ATP11A: variants seen among roughly 807,000 people sequenced by gnomAD.
ATP11A encodes the protein phospholipid-transporting ATPase IH.
A neutral mutation model predicts 154.4 loss-of-function variants in ATP11A; 81 were observed. The observed-to-expected ratio is 0.52, with a 90% confidence interval of 0.44 to 0.63. ATP11A has a LOEUF of 0.63. Among genes scored for constraint, ATP11A ranks in the 30% least tolerant of loss-of-function variants. ATP11A has a pLI of 0.00. For missense variants in ATP11A, 1,316 were observed against 1,474.3 expected, an observed-to-expected ratio of 0.89 and a Z score of 1.76; for synonymous variants, 623 against 585.9, an observed-to-expected ratio of 1.06 and a Z score of -0.91.
intron 1 of ATP11A, among the ~76,000 whole-genome samples, chr13:112,769,002 C>T (rs1348697471): frequency 6.6e-6 from 1 of 152,018 alleles, no homozygotes; most frequent in East Asian, 1.9e-4. Context: ...AAGGTGTGAC[C>T]CATGGTGGAA....
intron 1 of ATP11A, among the ~76,000 whole-genome samples, chr13:112,708,521 G>A (rs965566795): frequency 6.6e-6 from 1 of 152,140 alleles, no homozygotes; most frequent in African/African-American, 2.4e-5. Flanking sequence ...GGTAATCTTC[G>A]CAGTTGACAG....
chr13:112,846,686 G>T (rs74639449), intron 17 of ATP11A, among the ~76,000 whole-genome samples: 1 of 152,218 alleles, frequency 6.6e-6, no homozygotes, highest in Non-Finnish European at 1.5e-5. Context: ...GTGCCCCTGC[G>T]TGATGGTGGC....
rs954057609 is a variant in ATP11A, at chr13:112,838,511, G to A, written c.1705+2260G>A. Among the ~76,000 whole-genome samples, 3 of 152,204 alleles carry A rather than the reference G, an allele frequency of 2.0e-5. No homozygotes were observed. Among genetic ancestry groups the A allele is most frequent in the Non-Finnish European group, 4.4e-5 (3 of 68,042 alleles). On this transcript the variant is annotated intron_variant, in intron 16 of 29. Coordinates refer to ENST00000375645, the MANE Select transcript of ATP11A (RefSeq NM_015205.3). The surrounding 1 kb of genome is among the most constrained non-coding windows in gnomAD (Gnocchi z 7.3). ...GCCACCCCGGAGCCGCCCCTGCCGC[G>A]CACTCACCCCGGAGCTGGCCCTGCC...
chr13:112,841,692 G>A (rs897880567), intron 16 of ATP11A, among the ~76,000 whole-genome samples: 1 of 152,254 alleles, frequency 6.6e-6, no homozygotes, highest in Non-Finnish European at 1.5e-5. Flanking sequence ...CAGAACTGTC[G>A]TGGCCTTTGC....
chr13:112,729,313 C>A (rs1468362444), intron 1 of ATP11A, among the ~76,000 whole-genome samples: 2 of 152,356 alleles, frequency 1.3e-5, no homozygotes, highest in Non-Finnish European at 1.5e-5. Flanking sequence ...GCTTTCCCAC[C>A]CCTGCTGTTT....
intron 5 of ATP11A, among the ~76,000 whole-genome samples, chr13:112,811,161 AACACACACACACAC>A (rs10695491): frequency 1.2e-4 from 14 of 115,602 alleles, no homozygotes; most frequent in South Asian, 9.1e-4. Context: ...TGCCCCTTCC[AACACACACACACAC>A]ACACACACAC....
intron 5 of ATP11A, among the ~76,000 whole-genome samples, chr13:112,815,597 A>C (rs1481960216): frequency 1.3e-5 from 2 of 152,236 alleles, no homozygotes; most frequent in Non-Finnish European, 1.5e-5. Context: ...TTAAAAACCC[A>C]CATGATCAAC....
chr13:112,765,019 C>A (rs888561153), intron 1 of ATP11A, among the ~76,000 whole-genome samples: 5 of 152,166 alleles, frequency 3.3e-5, no homozygotes, highest in African/African-American at 9.7e-5. Context: ...CCCCACCGCA[C>A]GCTTTTCTTG....
chr13:112,781,708 A>ATGTG (rs2077503542), intron 1 of ATP11A, among the ~76,000 whole-genome samples: 1 of 139,296 alleles, frequency 7.2e-6, no homozygotes, highest in African/African-American at 2.7e-5. Context: ...GAATTTGACC[A>ATGTG]TGTGTGGGCT....
intron 8 of ATP11A, among the ~76,000 whole-genome samples, chr13:112,821,022 C>T (rs2078783796): frequency 6.6e-6 from 1 of 152,160 alleles, no homozygotes; most frequent in South Asian, 2.1e-4. Flanking sequence ...GAGGTGCTTT[C>T]GAGAACTGAT....
At chr13:112,831,921 G>A (rs1277102803) in intron 13 of ATP11A, among the ~76,000 whole-genome samples, 1 of 145,520 alleles carries the variant, frequency 6.9e-6, no homozygotes, top group South Asian at 2.2e-4. Context: ...CAGACACTGT[G>A]TGCACACACA....
chr13:112,690,668 CG>C lies in ATP11A; in HGVS notation c.39+217del, dbSNP rs919568407. Among the ~76,000 whole-genome samples the C allele has an allele frequency of 1.3e-5, 2 of 151,976 alleles. No homozygotes were observed. ...CGACGGGGTCTAGGTGGGCACAGCG[CG>C]GGGCCCCAGCCCCGGGCGGCCACCT... On this transcript the variant is annotated intron_variant, in intron 1 of 29. Transcript: ENST00000375645. This position sits in a 1 kb window ranked among gnomAD's most constrained non-coding sequence, Gnocchi z 5.6.
intron 1 of ATP11A, among the ~76,000 whole-genome samples, chr13:112,716,896 G>A (rs1888526330): frequency 6.6e-6 from 1 of 150,522 alleles, no homozygotes; most frequent in South Asian, 2.1e-4. Flanking sequence ...AAATGATGGG[G>A]CAGTACTGGA....
At chr13:112,826,670 G>A in intron 11 of ATP11A, 24 bp from the exon 12 acceptor site, 1 of 1,611,622 alleles carries the variant, frequency 6.2e-7, no homozygotes, top group Non-Finnish European at 8.5e-7. Flanking sequence ...TGGAGGTGCT[G>A]ACCCGCACCT....
rs1392759280 is a variant in ATP11A at position 112,746,997 on chromosome 13, T to C, written c.40-38138T>C. ...TTGGCTTGCATTGGCATAGTTTTTTTTTTTTTAACTTCCTAAGTGGTACTG... is the reference window on the plus strand; with the variant it reads ...TTGGCTTGCATTGGCATAGTTTTTTCTTTTTTAACTTCCTAAGTGGTACTG... On this transcript the variant is annotated intron_variant, in intron 1 of 29. Coordinates refer to ENST00000375645, the MANE Select transcript of ATP11A (RefSeq NM_015205.3). The surrounding 1 kb of genome is among the most constrained non-coding windows in gnomAD (Gnocchi z 4.1). 1 of 152,170 alleles carries C rather than the reference T, an allele frequency of 6.6e-6. No homozygotes were observed. Among genetic ancestry groups the C allele is most frequent in the Non-Finnish European group, 1.5e-5 (1 of 68,030 alleles). 9.4% of individuals were successfully genotyped at this position (152,170 alleles called of 1,614,324 possible).
At chr13:112,825,640 A>T in intron 11 of ATP11A, 60 bp downstream of exon 11, 1 of 1,516,146 alleles carries the variant, frequency 6.6e-7, no homozygotes, top group Non-Finnish European at 8.8e-7. Context: ...TATTACGAAA[A>T]TGTGGTGCAA....
chr13:112,712,921 T>C (rs552406574), intron 1 of ATP11A, among the ~76,000 whole-genome samples: 31 of 152,372 alleles, frequency 2.0e-4, no homozygotes, highest in Admixed American at 7.2e-4. Flanking sequence ...GCTTTCTTTT[T>C]ATAGCAGCCA....
chr13:112,694,318 G>A (rs1420760202), intron 1 of ATP11A, among the ~76,000 whole-genome samples: 1 of 152,224 alleles, frequency 6.6e-6, no homozygotes, highest in Non-Finnish European at 1.5e-5. Flanking sequence ...ATGCCTGGCT[G>A]TTAACATAGC....
chr13:112,870,404 G>C (rs1222611480), intron 25 of ATP11A, among the ~76,000 whole-genome samples: 1 of 152,182 alleles, frequency 6.6e-6, no homozygotes, highest in African/African-American at 2.4e-5. Flanking sequence ...AAGAGACAGA[G>C]TCTGTGCTCT....
Sources: gnomAD v4.1 joint callset for allele counts (sites outside exome capture counted in the v4.1 genomes callset) on GRCh38, gnomAD v4.1.1 for gene constraint, Gnocchi (gnomAD v3.1) non-coding constraint, MANE v1.5 for transcripts, NCBI Gene and HGNC (gene_info 2026-07-23, HGNC 2026-07-21) for gene names.